SRGAP2B: variants seen among roughly 807,000 people sequenced by gnomAD.
The protein encoded by SRGAP2B is SLIT-ROBO Rho GTPase-activating protein 2B.
A neutral mutation model predicts 22.2 loss-of-function variants in SRGAP2B; 9 were observed. The ratio of observed to expected loss-of-function variants is 0.41; its 90% CI spans 0.24 to 0.71. The LOEUF (loss-of-function observed/expected upper bound fraction) is 0.71, where lower values mean the gene tolerates loss of function less well. Ranked by LOEUF, SRGAP2B falls within the 30% of genes least tolerant of loss-of-function variation. The probability of loss-of-function intolerance (pLI) is 0.35; values close to 1 mark genes in which losing one functional copy is unlikely to be tolerated. For missense variants in SRGAP2B, 114 were observed against 235.8 expected (o/e 0.48, Z 3.38); for synonymous variants, 36 against 87.4 (o/e 0.41, Z 3.28).
At chr1:144,913,777 G>GA (rs1558745031) in intron 5 of SRGAP2B, among the ~76,000 whole-genome samples, 1 of 110,690 alleles carries the variant, frequency 9.0e-6, no homozygotes, top group Non-Finnish European at 1.8e-5. Flanking sequence ...GAAAAGAAAA[G>GA]AAAAAATGCA....
At chr1:144,990,750 G>A (rs1365388216) in intron 3 of SRGAP2B, among the ~76,000 whole-genome samples, 1 of 151,210 alleles carries the variant, frequency 6.6e-6, no homozygotes, top group Non-Finnish European at 1.5e-5. Context: ...GGAGCAGCCG[G>A]CCAGCCCTGC....
intron 3 of SRGAP2B, among the ~76,000 whole-genome samples, chr1:144,980,717 CCTA>C (rs1377191086): frequency 6.7e-6 from 1 of 149,426 alleles, no homozygotes; most frequent in African/African-American, 2.5e-5. Flanking sequence ...AAACCCAAAT[CCTA>C]CTTTTTTTTT....
chr1:145,022,586 A>G (rs1558835564), intron 2 of SRGAP2B, among the ~76,000 whole-genome samples: 1 of 148,626 alleles, frequency 6.7e-6, no homozygotes, highest in African/African-American at 2.6e-5. Context: ...TACCAGTCAG[A>G]GATCATGGCT....
At chr1:144,915,376 T>G (rs1226788773) in intron 4 of SRGAP2B, among the ~76,000 whole-genome samples, 2 of 150,660 alleles carry the variant, frequency 1.3e-5, no homozygotes, top group Non-Finnish European at 2.9e-5. Context: ...TGATGGCTCC[T>G]GGGTTCTTTG....
intron 3 of SRGAP2B, among the ~76,000 whole-genome samples, chr1:144,964,793 C>A (rs1351561744): frequency 6.6e-6 from 1 of 150,604 alleles, no homozygotes; most frequent in African/African-American, 2.5e-5. Context: ...GTGACACGTG[C>A]CTGTACTCCT....
intron 4 of SRGAP2B, among the ~76,000 whole-genome samples, chr1:144,931,659 T>G (rs1403551368): frequency 2.0e-5 from 3 of 150,740 alleles, no homozygotes; most frequent in Non-Finnish European, 4.4e-5. Context: ...TCCCATTTGC[T>G]ACATTGGGAT....
At chr1:144,955,268 A>C (rs587713298) in intron 4 of SRGAP2B, among the ~76,000 whole-genome samples, 171 bp downstream of exon 4, 24 of 146,844 alleles carry the variant, frequency 1.6e-4, no homozygotes, top group Non-Finnish European at 2.4e-4. Context: ...CTTTTATTTT[A>C]GGTTCAAGGG....
At position 145,041,095 on chromosome 1, in the gene SRGAP2B, A is replaced by ATATAG. The variant is rs1649200521; in HGVS notation, c.68-45896_68-45895insCTATA. 8.6e-5 allele frequency among the ~76,000 whole-genome samples: 10 copies of ATATAG among 116,780 alleles called. No homozygotes were observed. The South Asian group carries it at 2.4e-3, about 28-fold the overall frequency. The allele number at this position is 116,780 out of a possible 152,430, so 76.6% of individuals were successfully genotyped here. A position where few individuals can be genotyped will look rare whatever the true frequency, so the allele number is the denominator to read the frequency against. ...ATATAGTATATATATATATATATAT[A>ATATAG]TATATATATATAGTCTGCTTTCCTA... is the stretch of plus-strand genomic sequence containing the variant. On this transcript the variant is annotated intron_variant, in intron 2 of 9. Coordinates refer to ENST00000612199, the Ensembl canonical transcript of SRGAP2B.
chr1:144,954,603 TCTGTAACCCAAC>T (rs1460333787), intron 4 of SRGAP2B, among the ~76,000 whole-genome samples: 2 of 150,694 alleles, frequency 1.3e-5, no homozygotes, highest in Non-Finnish European at 2.9e-5. Flanking sequence ...TTCACCGCTG[TCTGTAACCCAAC>T]CTCATGAATA....
chr1:144,940,321 G>A (rs1247011530), intron 4 of SRGAP2B, among the ~76,000 whole-genome samples: 1 of 113,388 alleles, frequency 8.8e-6, no homozygotes, highest in Non-Finnish European at 1.7e-5. Context: ...AGACAGAAGA[G>A]GAAGAAAAAG....
chr1:144,944,586 C>CA (rs3061760), intron 4 of SRGAP2B, among the ~76,000 whole-genome samples: 7,062 of 17,770 alleles, frequency 0.4, 1,787 homozygotes, highest in Non-Finnish European at 0.46. Flanking sequence ...GTCTCCATCT[C>CA]AAAAAAAAAA....
In SRGAP2B at chr1:145,020,431, T is replaced by TAA. The variant is rs782440915; in HGVS notation, c.68-25233_68-25232dup. Among the ~76,000 whole-genome samples the TAA allele has an allele frequency of 9.8e-5, 8 of 81,302 alleles. No homozygotes were observed. The East Asian group carries it at 1.3e-3, about 13-fold the overall frequency. 53.3% of individuals were successfully genotyped at this position (81,302 alleles called of 152,430 possible). On this transcript the variant is annotated intron_variant, in intron 2 of 9. Coordinates refer to ENST00000612199, the Ensembl canonical transcript of SRGAP2B. ...AAGAGAGAGAGAGACCTTGTCTCTT[T>TAA]AAAAAAAAAAAAAAAAAAAAAGGTA... is the stretch of plus-strand genomic sequence containing the variant.
At position 144,944,228 on chromosome 1, in the gene SRGAP2B, G is replaced by T. The variant is rs587678050; in HGVS notation, c.423+11211C>A. Among the ~76,000 whole-genome samples the T allele has an allele frequency of 2.0e-5, 3 of 150,028 alleles. No individual in the cohort carries two copies. The South Asian group carries it at 6.3e-4, about 31-fold the overall frequency. On this transcript the variant is annotated intron_variant, in intron 4 of 9. Transcript: ENST00000612199. ...CCAATATGCAATAAAAGATTAGTAG[G>T]CATGTAAAAAAAAGTCAAGAGGAAA...
At position 144,966,478 on chromosome 1, in the gene SRGAP2B, G is replaced by A. The variant is rs1668091511; in HGVS notation, c.261-10877C>T. ...TCACCACCAGGCCTGCCCTAAAAGA[G>A]CTCCTGAAGGAAGTGCTAAACGTGG... On this transcript the variant is annotated intron_variant, in intron 3 of 9. Transcript: ENST00000612199. Among the ~76,000 whole-genome samples the A allele has an allele frequency of 1.4e-5, 2 of 147,226 alleles. 1 individual carries two copies. The highest frequency in any genetic ancestry group is 5.4e-5 in the African/African-American group (2 of 36,890).
intron 2 of SRGAP2B, among the ~76,000 whole-genome samples, chr1:145,001,788 A>G (rs1353008867): frequency 6.6e-6 from 1 of 150,866 alleles, no homozygotes; most frequent in Non-Finnish European, 1.5e-5. Flanking sequence ...TGGGAAGCCA[A>G]GGTGGGCCGA....
At chr1:144,967,687 A>G (rs1668192087) in intron 3 of SRGAP2B, among the ~76,000 whole-genome samples, 1 of 39,030 alleles carries the variant, frequency 2.6e-5, no homozygotes, top group Non-Finnish European at 4.6e-5. Flanking sequence ...CCTTCAAAAA[A>G]TCAATGAATC....
intron 1 of SRGAP2B, among the ~76,000 whole-genome samples, chr1:145,094,292 G>T (rs1403874369): frequency 3.6e-4 from 8 of 22,052 alleles, no homozygotes; most frequent in Admixed American, 3.5e-3. Context: ...AGGCCCAGGG[G>T]GCTGGAGGGA....
Position 144,972,666 on chromosome 1 carries a change from C to A in SRGAP2B, c.261-17065G>T, listed in dbSNP as rs1175918470. Among the ~76,000 whole-genome samples the A allele has an allele frequency of 2.0e-4, 29 of 141,842 alleles. 1 individual carries two copies. Among genetic ancestry groups the A allele is most frequent in the Admixed American group, 6.4e-4 (9 of 14,126 alleles). The allele number at this position is 141,842 out of a possible 152,430, so 93.1% of individuals were successfully genotyped here. On this transcript the variant is annotated intron_variant, in intron 3 of 9. Coordinates refer to ENST00000612199, the Ensembl canonical transcript of SRGAP2B. ...AGCATGTCAGGTAATTTTATGCACA[C>A]CAAAAAATTTAAAAAACAATGCTCT... is the stretch of plus-strand genomic sequence containing the variant.
At chr1:144,973,908 T>A (rs1299765042) in intron 3 of SRGAP2B, among the ~76,000 whole-genome samples, 2 of 142,532 alleles carry the variant, frequency 1.4e-5, no homozygotes, top group African/African-American at 5.5e-5. Context: ...CCCCCAGTGA[T>A]AAAGTCAATA....
Sources: gnomAD v4.1 joint callset for allele counts (sites outside exome capture counted in the v4.1 genomes callset) on GRCh38, gnomAD v4.1.1 for gene constraint, MANE v1.5 for transcripts, NCBI Gene and HGNC (gene_info 2026-07-23, HGNC 2026-07-21) for gene names.